SYNE2: variants seen among roughly 807,000 people sequenced by gnomAD.
SYNE2 encodes spectrin repeat containing nuclear envelope protein 2, also known as nesprin-2.
A neutral mutation model predicts 856.3 loss-of-function variants in SYNE2; 431 were observed. The ratio of observed to expected loss-of-function variants is 0.50; its 90% confidence interval spans 0.47 to 0.55. The LOEUF is 0.55. Among genes scored for constraint, SYNE2 ranks in the 20% least tolerant of loss-of-function variants. The probability of loss-of-function intolerance (pLI) is 0.00; values close to 1 mark genes in which losing one functional copy is unlikely to be tolerated. For missense variants in SYNE2, 8,129 were observed against 8,023.2 expected (o/e 1.01, Z -0.50); for synonymous variants, 2,923 against 2,872.3 (o/e 1.02, Z -0.56).
chr14:63,809,754 G>C lies in SYNE2; in HGVS notation c.-304-42747G>C, dbSNP rs964690575. ...GGCCTCAAGTGATCCTCTTCCCTCA[G>C]GCTCTCAAAGTGCTGGGATTACAGA... is the stretch of plus-strand genomic sequence containing the variant. On this transcript the variant is annotated intron_variant, in intron 1 of 23. Coordinates refer to the SYNE2 transcript ENST00000674003. 1.1e-4 allele frequency among the ~76,000 whole-genome samples: 16 copies of C among 152,108 alleles called. 1 individual carries two copies. Among genetic ancestry groups the C allele is most frequent in the Admixed American group, 9.2e-4 (14 of 15,266 alleles).
rs760946326 is a variant in SYNE2 at position 64,219,451 on chromosome 14, G to A, written c.19860+41G>A. Reference sequence around the variant, plus strand: ...GGTGGGGAAGAGGGATTCAGAATGTGCATGTGAACGCATTGCTATGCTGGA... The same window carrying A: ...GGTGGGGAAGAGGGATTCAGAATGTACATGTGAACGCATTGCTATGCTGGA... On this transcript the variant is annotated intron_variant, in intron 110 of 115. Coordinates refer to ENST00000555002, the MANE Select transcript of SYNE2 (RefSeq NM_182914.3). 4.4e-6 allele frequency: 7 copies of A among 1,584,412 alleles called. No homozygotes were observed. The Admixed American group carries it at 6.7e-5, about 15-fold the overall frequency.
At position 63,940,651 on chromosome 14, in the gene SYNE2, C is replaced by G; in HGVS notation, c.117C>G (p.Cys39Trp). Residue 39 changes from cysteine (C) to tryptophan (W), a missense_variant, in exon 3 of 116, where the codon TGC becomes TGG. This residue lies in a region of SYNE2 where 2,422 missense variants were observed against 2,357.4 expected (regional missense o/e 1.03). Coordinates refer to ENST00000555002, the MANE Select transcript of SYNE2 (RefSeq NM_182914.3). Reference protein sequence around the residue: ...QEDTQKKAFTCWINSQLARHT... With the variant: ...QEDTQKKAFTWWINSQLARHT... ...ACACCCAGAAGAAAGCCTTCACGTG[C>G]TGGATAAACTCACAGTTGGCCAGGG... The G allele has an allele frequency of 1.2e-6, 2 of 1,614,116 alleles. No homozygotes were observed. Among genetic ancestry groups the G allele is most frequent in the South Asian group, 1.1e-5 (1 of 91,086 alleles).
chr14:63,845,253 T>C (rs1210693553), intron 1 of SYNE2, among the ~76,000 whole-genome samples: 1 of 152,032 alleles, frequency 6.6e-6, no homozygotes, highest in African/African-American at 2.4e-5. Context: ...TCGTCTCTAC[T>C]AAAATTACAA....
chr14:63,900,506 A>G (rs1055524824), intron 1 of SYNE2, among the ~76,000 whole-genome samples: 1 of 152,100 alleles, frequency 6.6e-6, no homozygotes, highest in Admixed American at 6.5e-5. Flanking sequence ...CAATCATGAG[A>G]ACAGTGCAGG....
chr14:63,928,692 C>A (rs2095704697), intron 2 of SYNE2, among the ~76,000 whole-genome samples: 1 of 152,030 alleles, frequency 6.6e-6, no homozygotes, highest in South Asian at 2.1e-4. Context: ...TGTTTGTTAT[C>A]TCCAAGAGAA....
At chr14:63,863,782 T>C (rs1490051323) in intron 1 of SYNE2, among the ~76,000 whole-genome samples, 1 of 152,230 alleles carries the variant, frequency 6.6e-6, no homozygotes, top group Non-Finnish European at 1.5e-5. Flanking sequence ...ATTAGAATTC[T>C]GTTTATTAAA....
At chr14:64,041,849 T>TAA (rs33974614) in intron 45 of SYNE2, among the ~76,000 whole-genome samples, 6 of 143,940 alleles carry the variant, frequency 4.2e-5, no homozygotes, top group Admixed American at 2.1e-4. Context: ...GACCCTTTCT[T>TAA]AAAAAAAAAA....
chr14:63,766,323 G>A (rs368164681), intron 1 of SYNE2, among the ~76,000 whole-genome samples: 3 of 152,064 alleles, frequency 2.0e-5, no homozygotes, highest in Admixed American at 6.6e-5. Flanking sequence ...CAAGTGATCC[G>A]CCCGCCTCAG....
chr14:64,174,012 A>G (rs1356003631), intron 94 of SYNE2: 1 of 638,372 alleles, frequency 1.6e-6, no homozygotes, highest in Non-Finnish European at 2.8e-6. Flanking sequence ...ACGGAGCTGT[A>G]ACACCGCCAC....
In SYNE2 at chr14:63,870,308, A is replaced by C. The variant is rs1595330592; in HGVS notation, c.-52+17165A>C. 2.0e-5 allele frequency among the ~76,000 whole-genome samples: 3 copies of C among 150,116 alleles called. No individual in the cohort carries two copies. In the South Asian group the frequency reaches 6.4e-4, roughly 32 times the overall value. Reference sequence around the variant, plus strand: ...CAGCTCAAATGGCAAATGCTTTACAAAATTAGCCCTAACTTCCCCAAAGTT... The same window carrying C: ...CAGCTCAAATGGCAAATGCTTTACACAATTAGCCCTAACTTCCCCAAAGTT... On this transcript the variant is annotated intron_variant, in intron 1 of 115. Transcript: ENST00000555002.
At chr14:63,824,682 T>C (rs1044030101) in intron 1 of SYNE2, among the ~76,000 whole-genome samples, 2 of 151,436 alleles carry the variant, frequency 1.3e-5, no homozygotes, top group Admixed American at 6.6e-5. Context: ...ATTGGATTGT[T>C]TGAAACACAA....
chr14:63,871,355 G>GCTGCCA (rs1322486496), intron 1 of SYNE2, among the ~76,000 whole-genome samples: 1 of 151,924 alleles, frequency 6.6e-6, no homozygotes, highest in Non-Finnish European at 1.5e-5. Flanking sequence ...ACAAGCATGG[G>GCTGCCA]CTGCCATGCC....
intron 103 of SYNE2, among the ~76,000 whole-genome samples, chr14:64,210,427 C>T (rs911837505): frequency 5.3e-5 from 8 of 152,276 alleles, no homozygotes; most frequent in Middle Eastern, 3.4e-3. Context: ...TCCAGGGCGC[C>T]GCTTCGCTGG....
At chr14:64,160,468 G>C (rs1376234046) in intron 87 of SYNE2, among the ~76,000 whole-genome samples, 3 of 152,230 alleles carry the variant, frequency 2.0e-5, no homozygotes, top group South Asian at 2.1e-4. Context: ...AGGTAGGATA[G>C]ATAGATAAAA....
At chr14:63,839,155 G>A (rs1373780153) in intron 1 of SYNE2, among the ~76,000 whole-genome samples, 1 of 151,764 alleles carries the variant, frequency 6.6e-6, no homozygotes, top group Non-Finnish European at 1.5e-5. Flanking sequence ...TCAGCCTCCC[G>A]AGTAGCTGGG....
Position 63,966,181 on chromosome 14 carries a change from A to G in SYNE2, c.991-1528A>G, listed in dbSNP as rs892260735. 4.6e-5 allele frequency among the ~76,000 whole-genome samples: 7 copies of G among 152,034 alleles called. No individual in the cohort carries two copies. The East Asian group carries it at 1.4e-3, about 29-fold the overall frequency. ...TAAAACGTTATTGGAACAGAGCCATACCTGTCAGTAGCTACTTTCACACTA... is the reference window on the plus strand; with the variant it reads ...TAAAACGTTATTGGAACAGAGCCATGCCTGTCAGTAGCTACTTTCACACTA... On this transcript the variant is annotated intron_variant, in intron 10 of 115. Transcript: ENST00000555002.
At chr14:64,048,342 T>C in intron 46 of SYNE2, 187 bp downstream of exon 46, 1 of 507,968 alleles carries the variant, frequency 2.0e-6, no homozygotes, top group Non-Finnish European at 3.4e-6. Context: ...ATTTAGAAAG[T>C]AGAAGAGTTA....
At chr14:64,215,734 G>T (rs1469620797) in intron 107 of SYNE2, 1 of 405,704 alleles carries the variant, frequency 2.5e-6, no homozygotes, top group Non-Finnish European at 4.4e-6. Flanking sequence ...GTGGAAAGGG[G>T]TGGGGGGTTG....
chr14:64,164,690 A>G (rs1423288989), intron 89 of SYNE2, among the ~76,000 whole-genome samples: 1 of 152,174 alleles, frequency 6.6e-6, no homozygotes, highest in Non-Finnish European at 1.5e-5. Flanking sequence ...GACTGAGAGA[A>G]CGGAGTGCTC....
Sources: gnomAD v4.1 joint callset for allele counts (sites outside exome capture counted in the v4.1 genomes callset) on GRCh38, gnomAD v4.1.1 for gene constraint, gnomAD v4.1.1 regional missense constraint, MANE v1.5 for transcripts, NCBI Gene and HGNC (gene_info 2026-07-23, HGNC 2026-07-21) for gene names.